The following AVPR2 variants were observed in gnomAD, a reference collection of about 807,000 sequenced individuals.
AVPR2 encodes vasopressin V2 receptor.
In AVPR2, 3 loss-of-function variants were observed where a neutral mutation model predicts 12.0. The ratio of observed to expected loss-of-function variants is 0.25; its 90% CI spans 0.11 to 0.64. The LOEUF is 0.64. Among genes scored for constraint, AVPR2 ranks in the 30% least tolerant of loss-of-function variants. The pLI is 0.84. For synonymous variants in AVPR2, 143 were observed against 147.5 expected, an observed-to-expected ratio of 0.97 and a Z score of 0.22; for missense variants, 279 against 347.9, an observed-to-expected ratio of 0.80 and a Z score of 1.58.
Position 153,904,682 on chromosome X carries a change from G to A in AVPR2, c.-262G>A, listed in dbSNP as rs1333548485. The A allele has an allele frequency of 1.6e-5, 3 of 183,500 alleles. No homozygotes were observed. The highest frequency in any genetic ancestry group is 6.7e-5 in the Admixed American group (1 of 14,990). 15.1% of individuals were successfully genotyped at this position (183,500 alleles called of 1,213,427 possible). ...TGGCCAGGTCACTCCCAGAGGCTGG[G>A]CTGGGCCAGGGCAGGGCAGCCGATG... On this transcript the variant is annotated 5_prime_UTR_variant, in exon 1 of 4. Transcript: ENST00000646375.
chrX:153,905,086 G>A lies in AVPR2; in HGVS notation c.-60G>A, dbSNP rs2064953068. On this transcript the variant is annotated 5_prime_UTR_variant, in exon 2 of 4. Coordinates refer to ENST00000646375, the MANE Select transcript of AVPR2 (RefSeq NM_000054.7). ...CCTGGGCCATTGAACTTGCTCCTCA[G>A]GCAGAGGCTGAGTCCGCACATCACC... 1.7e-6 allele frequency: 2 copies of A among 1,208,056 alleles called. No individual in the cohort carries two copies. The highest frequency in any genetic ancestry group is 3.5e-5 in the African/African-American group (2 of 57,879).
At chrX:153,904,193 T>A (rs1457333633), upstream of AVPR2, among the ~76,000 whole-genome samples, 2 of 111,662 alleles carry the variant, frequency 1.8e-5, no homozygotes, top group African/African-American at 6.5e-5. Flanking sequence ...TCGTGAAGCC[T>A]GGCTTGGCCC....
intron 1 of AVPR2, 64 bp from the exon 2 acceptor site, chrX:153,904,910 C>T (rs1344938261): frequency 2.1e-6 from 1 of 477,351 alleles, no homozygotes; most frequent in African/African-American, 2.3e-5. Context: ...CATGGGCTGC[C>T]TGGGGGATCC....
Position 153,906,975 on chromosome X carries a change from GTGTAGGAGGGGC to G in AVPR2, c.*250_*261del, listed in dbSNP as rs2148515562. The G allele has an allele frequency of 2.1e-6, 1 of 487,338 alleles. No individual in the cohort carries two copies. The highest frequency in any genetic ancestry group is 2.3e-5 in the African/African-American group (1 of 42,902). 40.2% of individuals were successfully genotyped at this position (487,338 alleles called of 1,213,427 possible). ...CCCTCAGGTCAGCTCACTGAGCTGG[GTGTAGGAGGGGC>G]TGCAGCAGAGGCCTGAGGAGTGGCA... On this transcript the variant is annotated 3_prime_UTR_variant, in exon 4 of 4. Transcript: ENST00000646375.
chrX:153,906,795 G>T lies in AVPR2; in HGVS notation c.*67G>T. On this transcript the variant is annotated 3_prime_UTR_variant, in exon 4 of 4. Coordinates refer to ENST00000646375, the MANE Select transcript of AVPR2 (RefSeq NM_000054.7). ...CAGCTGCCTTCCTGGGGCTGGTCCT[G>T]GGAGCCACTGGGAGGGGGACCCGTG... 1 of 1,027,875 alleles carries T rather than the reference G, an allele frequency of 9.7e-7. No homozygotes were observed. The highest frequency in any genetic ancestry group is 2.0e-5 in the South Asian group (1 of 50,242). The allele number at this position is 1,027,875 out of a possible 1,213,427, so 84.7% of individuals were successfully genotyped here.
rs144300130 is a variant in AVPR2, at chrX:153,906,648, C to T, written c.1036C>T (p.Arg346Cys). ...AAGCTTGCTCTGCTGTGCCCGGGGA[C>T]GCACCCCACCCAGCCTGGGTCCCCA... is the stretch of plus-strand genomic sequence containing the variant. ...LRSLLCCARG[R>C]TPPSLGPQDE... Residue 346 changes from arginine (R) to cysteine (C), a missense_variant, in exon 4 of 4, where the codon CGC becomes TGC. By Grantham distance (180) the Arg-to-Cys change is radical. Coordinates refer to ENST00000646375, the MANE Select transcript of AVPR2 (RefSeq NM_000054.7). 37 of 1,207,668 alleles carry T rather than the reference C, an allele frequency of 3.1e-5. No individual in the cohort carries two copies. In the Middle Eastern group the frequency reaches 6.9e-4, roughly 23 times the overall value.
rs782565222 is a variant in AVPR2, at chrX:153,905,776, G to C, written c.270G>C (p.Leu90=). The change falls in exon 3 of 4, where the codon CTG becomes CTC. Residue 90 remains leucine (L), a synonymous_variant. Transcript: ENST00000646375. ...HLCLADLAVA[L]FQVLPQLAWK... is the part of the protein sequence containing the mutation. ...GCCTGGCCGACCTGGCCGTGGCTCTGTTCCAAGTGCTGCCCCAGCTGGCCT... is the reference window on the plus strand; with the variant it reads ...GCCTGGCCGACCTGGCCGTGGCTCTCTTCCAAGTGCTGCCCCAGCTGGCCT... The C allele has an allele frequency of 5.0e-6, 6 of 1,208,126 alleles. No homozygotes were observed. Among genetic ancestry groups the C allele is most frequent in the Non-Finnish European group, 5.6e-6 (5 of 895,490 alleles).
intron 2 of AVPR2, 76 bp from the exon 3 acceptor site, chrX:153,905,456 G>C (rs2064955708): frequency 9.5e-7 from 1 of 1,051,918 alleles, no homozygotes; most frequent in South Asian, 2.0e-5. Context: ...TGTCCGGATG[G>C]GGGCACGGGA....
chrX:153,906,851 C>A lies in AVPR2; in HGVS notation c.*123C>A. 2.7e-6 allele frequency: 2 copies of A among 750,343 alleles called. No homozygotes were observed. Among genetic ancestry groups the A allele is most frequent in the Non-Finnish European group, 4.0e-6 (2 of 494,510 alleles). 61.8% of individuals were successfully genotyped at this position (750,343 alleles called of 1,213,427 possible). ...TTGGCCAGAGCCTGTGGCCCCGAGG[C>A]TGGGACACTGTGTGGCCCTGGACAA... On this transcript the variant is annotated 3_prime_UTR_variant, in exon 4 of 4. Coordinates refer to ENST00000646375, the MANE Select transcript of AVPR2 (RefSeq NM_000054.7).
chrX:153,906,387 C>T lies in AVPR2; in HGVS notation c.881C>T (p.Ala294Val), dbSNP rs2064967569. ...WAPFFLVQLW[A>V]AWDPEAPLEG... ...CCCTTCTTCCTGGTGCAGCTGTGGG[C>T]CGCGTGGGACCCGGAGGCACCTCTG... Residue 294 changes from alanine (A) to valine (V), a missense_variant, in exon 3 of 4, where the codon GCC becomes GTC. Transcript: ENST00000646375. 1 of 1,210,451 alleles carries T rather than the reference C, an allele frequency of 8.3e-7. No individual in the cohort carries two copies. The highest frequency in any genetic ancestry group is 1.1e-6 in the Non-Finnish European group (1 of 894,490).
intron 3 of AVPR2, 47 bp downstream of exon 3, chrX:153,906,463 C>T (rs887240708): frequency 1.4e-5 from 17 of 1,201,772 alleles, no homozygotes; most frequent in South Asian, 5.4e-5. Flanking sequence ...TGGGCTTGGC[C>T]GCATGCCCCT....
At chrX:153,903,664 C>T (rs1039114720), upstream of AVPR2, among the ~76,000 whole-genome samples, 3 of 111,434 alleles carry the variant, frequency 2.7e-5, no homozygotes, top group Non-Finnish European at 5.7e-5. Flanking sequence ...CTAACAGGGC[C>T]GGGAGGGGCC....
chrX:153,905,405 G>A, intron 2 of AVPR2, 127 bp from the exon 3 acceptor site: 1 of 849,502 alleles, frequency 1.2e-6, no homozygotes, highest in Non-Finnish European at 1.7e-6. Context: ...CTCATAACAT[G>A]GCTTTCCTGG....
chrX:153,905,994 C>T lies in AVPR2; in HGVS notation c.488C>T (p.Ala163Val). ...CACTGGAACCGGCCGGTGCTAGTGG[C>T]TTGGGCCTTCTCGCTCCTTCTCAGC... ...GAHWNRPVLV[A>V]WAFSLLLSLP... The change falls in exon 3 of 4, where the codon GCT becomes GTT. Residue 163 changes from alanine to valine, a missense_variant. Physicochemically the swap from Ala to Val is moderately conservative, Grantham distance 64. Coordinates refer to ENST00000646375, the MANE Select transcript of AVPR2 (RefSeq NM_000054.7). 1 of 1,204,477 alleles carries T rather than the reference C, an allele frequency of 8.3e-7. No individual in the cohort carries two copies. The highest frequency in any genetic ancestry group is 1.1e-6 in the Non-Finnish European group (1 of 895,551).
intron 2 of AVPR2, 61 bp downstream of exon 2, chrX:153,905,231 C>A: frequency 8.4e-7 from 1 of 1,196,859 alleles, no homozygotes; most frequent in Non-Finnish European, 1.1e-6. Flanking sequence ...CAGGGAAGCC[C>A]CTCTTTCTAA....
chrX:153,903,562 ATG>A (rs1348451691), upstream of AVPR2, among the ~76,000 whole-genome samples: 1 of 108,970 alleles, frequency 9.2e-6, no homozygotes, highest in Admixed American at 9.7e-5. Context: ...TGGTGGGTGC[ATG>A]TGTGTGTGGC....
In AVPR2 at chrX:153,906,183, T is replaced by A; in HGVS notation, c.677T>A (p.Val226Glu). 1 of 1,212,309 alleles carries A rather than the reference T, an allele frequency of 8.2e-7. No homozygotes were observed. The highest frequency in any genetic ancestry group is 1.1e-6 in the Non-Finnish European group (1 of 895,614). The change falls in exon 3 of 4, where the codon GTG (valine) becomes GAG (glutamate). Residue 226 changes from valine (V) to glutamate (E), a missense_variant. Physicochemically the swap from Val to Glu is moderately radical, Grantham distance 121 (BLOSUM62 -2). Coordinates refer to ENST00000646375, the MANE Select transcript of AVPR2 (RefSeq NM_000054.7). Reference protein sequence around the residue: ...APTLGIAACQVLIFREIHASL... With the variant: ...APTLGIAACQELIFREIHASL... ...ACCCTGGGTATCGCCGCCTGCCAGG[T>A]GCTCATCTTCCGGGAGATTCATGCC...
At chrX:153,904,305 T>A (rs2064948822), upstream of AVPR2, among the ~76,000 whole-genome samples, 1 of 112,169 alleles carries the variant, frequency 8.9e-6, no homozygotes, top group Admixed American at 9.3e-5. Flanking sequence ...CCAGCGAAAG[T>A]GTTTTCACCC....
At position 153,906,271 on chromosome X, in the gene AVPR2, C is replaced by T; in HGVS notation, c.765C>T (p.Ser255=). 2 of 1,212,268 alleles carry T rather than the reference C, an allele frequency of 1.6e-6. No homozygotes were observed. The highest frequency in any genetic ancestry group is 2.2e-6 in the Non-Finnish European group (2 of 895,574). ...GCCGCAGGGGACGCCGGACAGGCAGCCCCGGTGAGGGAGCCCACGTGTCAG... is the reference window on the plus strand; with the variant it reads ...GCCGCAGGGGACGCCGGACAGGCAGTCCCGGTGAGGGAGCCCACGTGTCAG... The part of the protein sequence containing the change: ...GGRRRGRRTG[S]PGEGAHVSAA... The change falls in exon 3 of 4, where the codon AGC becomes AGT. Residue 255 remains serine (S), a synonymous_variant. Coordinates refer to ENST00000646375, the MANE Select transcript of AVPR2 (RefSeq NM_000054.7).
Sources: gnomAD v4.1 joint callset for allele counts (sites outside exome capture counted in the v4.1 genomes callset) on GRCh38, gnomAD v4.1.1 for gene constraint, MANE v1.5 for transcripts, NCBI Gene and HGNC (gene_info 2026-07-23, HGNC 2026-07-21) for gene names.